USH2A: variants seen among roughly 807,000 people sequenced by gnomAD.
USH2A encodes usherin, also known as Usher syndrome 2A (autosomal recessive, mild).
In USH2A, 443 loss-of-function variants were observed where a neutral mutation model predicts 538.9. The observed-to-expected ratio is 0.82, with a 90% confidence interval of 0.76 to 0.89. The LOEUF is 0.89. USH2A is among the 40% of genes least tolerant of loss of function. USH2A has a pLI of 0.00. For missense variants in USH2A, 6,633 were observed against 6,324.8 expected (o/e 1.05, Z -1.65); for synonymous variants, 2,413 against 2,273.5 (o/e 1.06, Z -1.75).
intron 38 of USH2A, among the ~76,000 whole-genome samples, chr1:215,930,446 A>T (rs1485876303): frequency 6.6e-6 from 1 of 151,998 alleles, no homozygotes; most frequent in African/African-American, 2.4e-5. Context: ...CAGTGTATTT[A>T]AAATTTATAT....
At chr1:215,753,650 G>A (rs904096541) in intron 58 of USH2A, among the ~76,000 whole-genome samples, 2 of 152,026 alleles carry the variant, frequency 1.3e-5, no homozygotes, top group East Asian at 1.9e-4. Flanking sequence ...ATCACATACC[G>A]GGGCCTGTTG....
At chr1:216,081,673 C>T (rs1348392607) in intron 26 of USH2A, among the ~76,000 whole-genome samples, 1 of 152,020 alleles carries the variant, frequency 6.6e-6, no homozygotes, top group Non-Finnish European at 1.5e-5. Context: ...GTCACTGCAG[C>T]CTTCGACTCC....
At chr1:215,899,615 G>A (rs568261262) in intron 40 of USH2A, among the ~76,000 whole-genome samples, 44 of 152,200 alleles carry the variant, frequency 2.9e-4, no homozygotes, top group Admixed American at 1.3e-4. Flanking sequence ...CTATGCTGAA[G>A]GCTGTCTTTG....
chr1:216,239,779 T>C (rs1572081668), intron 13 of USH2A, among the ~76,000 whole-genome samples: 2 of 151,866 alleles, frequency 1.3e-5, no homozygotes, highest in African/African-American at 4.8e-5. Context: ...ACCTGGCTGG[T>C]GTAAGTAAGG....
intron 13 of USH2A, among the ~76,000 whole-genome samples, chr1:216,244,380 T>G (rs915904374): frequency 6.6e-6 from 1 of 152,098 alleles, no homozygotes; most frequent in Admixed American, 6.6e-5. Context: ...ACTCAAATGA[T>G]AAGCAAAATA....
Position 215,757,288 on chromosome 1 carries a change from C to A in USH2A, c.11389+1307G>T, listed in dbSNP as rs144619120. 8.1e-3 allele frequency among the ~76,000 whole-genome samples: 1,232 copies of A among 152,218 alleles called. 10 individuals are homozygous for A. The highest frequency in any genetic ancestry group is 0.038 in the Middle Eastern group (11 of 292). Reference sequence around the variant, plus strand: ...TCTTTTGAATTTTAGGGGAAAATAACTTTTTCTCTTTGATCTTAGATTATA... The same window carrying A: ...TCTTTTGAATTTTAGGGGAAAATAAATTTTTCTCTTTGATCTTAGATTATA... On this transcript the variant is annotated intron_variant, in intron 58 of 71. Transcript: ENST00000307340.
At chr1:215,947,480 G>A (rs1666787852) in intron 37 of USH2A, among the ~76,000 whole-genome samples, 1 of 152,178 alleles carries the variant, frequency 6.6e-6, no homozygotes, top group East Asian at 1.9e-4. Flanking sequence ...CAATTAGAAT[G>A]CACATTTAAA....
chr1:215,706,375 A>G (rs1659184636), intron 61 of USH2A, among the ~76,000 whole-genome samples: 1 of 151,884 alleles, frequency 6.6e-6, no homozygotes, highest in Non-Finnish European at 1.5e-5. Flanking sequence ...TTGGGAGGTC[A>G]GGCTGGATGG....
Position 216,083,596 on chromosome 1 carries a change from T to C in USH2A, c.5168-10A>G, listed in dbSNP as rs774689351. 1.1e-5 allele frequency: 17 copies of C among 1,611,178 alleles called. No individual in the cohort carries two copies. The South Asian group carries it at 1.7e-4, about 16-fold the overall frequency. On this transcript the variant is annotated splice_polypyrimidine_tract_variant and intron_variant, in intron 25 of 71. Transcript: ENST00000307340. ...TGAAGTTCCAGGAACCCTTTAAAGA[T>C]AAAAATATGTACATATTAGCATGTG... is the stretch of plus-strand genomic sequence containing the variant.
chr1:215,743,927 G>C (rs1407013973), intron 58 of USH2A, among the ~76,000 whole-genome samples: 1 of 151,754 alleles, frequency 6.6e-6, no homozygotes, highest in East Asian at 1.9e-4. Context: ...TATTCCAAAA[G>C]TAAGAAATGT....
At chr1:216,249,579 A>ATTCT (rs949250312) in intron 12 of USH2A, among the ~76,000 whole-genome samples, 2 of 152,124 alleles carry the variant, frequency 1.3e-5, no homozygotes, top group African/African-American at 4.8e-5. Flanking sequence ...TTTACACGTT[A>ATTCT]TTCTTTCTTT....
intron 3 of USH2A, among the ~76,000 whole-genome samples, chr1:216,392,383 C>T (rs1181484313): frequency 6.6e-6 from 1 of 150,404 alleles, no homozygotes; most frequent in Non-Finnish European, 1.5e-5. Flanking sequence ...GCCTGTAGTC[C>T]CGGGAGGCTG....
At chr1:215,688,558 T>C (rs570058480) in intron 61 of USH2A, among the ~76,000 whole-genome samples, 1 of 152,148 alleles carries the variant, frequency 6.6e-6, no homozygotes, top group Admixed American at 6.6e-5. Context: ...AAGTTCATTT[T>C]CTTGCAATTC....
intron 37 of USH2A, among the ~76,000 whole-genome samples, chr1:215,945,842 G>T (rs1666746564): frequency 6.6e-6 from 1 of 152,172 alleles, no homozygotes; most frequent in Non-Finnish European, 1.5e-5. Context: ...CACTTGTATT[G>T]ATTTCAATTG....
At chr1:216,032,478 A>C (rs540227715) in intron 32 of USH2A, among the ~76,000 whole-genome samples, 295 of 152,248 alleles carry the variant, frequency 1.9e-3, no homozygotes, top group African/African-American at 7.0e-3. Flanking sequence ...CTGTGGTAGG[A>C]AGAATTCTAA....
At chr1:215,733,097 A>G (rs1313958502) in intron 60 of USH2A, among the ~76,000 whole-genome samples, 3 of 150,338 alleles carry the variant, frequency 2.0e-5, no homozygotes, top group Non-Finnish European at 3.0e-5. Flanking sequence ...TGATGCTGGC[A>G]TCTGCTTATG....
chr1:216,089,752 C>T (rs2032248513), intron 22 of USH2A, among the ~76,000 whole-genome samples: 1 of 151,378 alleles, frequency 6.6e-6, no homozygotes, highest in Non-Finnish European at 1.5e-5. Flanking sequence ...AAACATGTTC[C>T]TAAGTGATAA....
At chr1:215,867,207 T>C in intron 43 of USH2A, 37 bp from the exon 44 acceptor site, 1 of 1,601,502 alleles carries the variant, frequency 6.2e-7, no homozygotes, top group East Asian at 2.2e-5. Flanking sequence ...TATATGAATT[T>C]CTACTTTACA....
chr1:216,003,013 G>A (rs905846074), intron 32 of USH2A, among the ~76,000 whole-genome samples: 41 of 152,080 alleles, frequency 2.7e-4, no homozygotes, highest in Middle Eastern at 3.2e-3. Context: ...CAGAATATCC[G>A]CCTCAGATGG....
Sources: allele counts gnomAD v4.1 joint callset (sites outside exome capture counted in the v4.1 genomes callset), GRCh38; gene constraint gnomAD v4.1.1; transcripts MANE v1.5; gene names NCBI Gene and HGNC (gene_info 2026-07-23, HGNC 2026-07-21).